Variants in SMOC2 observed in about 807,000 individuals in gnomAD.
SMOC2 encodes the protein SPARC related modular calcium binding 2.
SMOC2 carries 39 observed loss-of-function variants against 61.4 expected under a neutral mutation model. The observed-to-expected ratio is 0.64, with a 90% confidence interval of 0.49 to 0.83. The LOEUF (loss-of-function observed/expected upper bound fraction) is 0.83, where lower values mean the gene tolerates loss of function less well. Ranked by LOEUF, SMOC2 falls within the 40% of genes least tolerant of loss-of-function variation. The probability of loss-of-function intolerance (pLI) is 0.00; values close to 1 mark genes in which losing one functional copy is unlikely to be tolerated. For synonymous variants in SMOC2, 247 were observed against 239.9 expected (o/e 1.03, Z -0.27); for missense variants, 556 against 592.9 (o/e 0.94, Z 0.65).
At chr6:168,603,783 G>A (rs903213391) in intron 8 of SMOC2, among the ~76,000 whole-genome samples, 13 of 151,956 alleles carry the variant, frequency 8.6e-5, no homozygotes, top group Non-Finnish European at 1.3e-4. Context: ...TGGCAGGGGC[G>A]ACTCCCTGAA....
intron 1 of SMOC2, among the ~76,000 whole-genome samples, chr6:168,443,211 G>A (rs1480280744): frequency 4.6e-5 from 7 of 152,202 alleles, no homozygotes; most frequent in Admixed American, 2.6e-4. Context: ...GTGTGTGTGG[G>A]GGGTGGGGTT....
At chr6:168,457,909 G>A (rs1038156582) in intron 1 of SMOC2, among the ~76,000 whole-genome samples, 3 of 152,052 alleles carry the variant, frequency 2.0e-5, no homozygotes, top group Non-Finnish European at 4.4e-5. Context: ...GGCCCTTGCA[G>A]CCTGTGTGCC....
chr6:168,573,912 C>T (rs1208054905), intron 7 of SMOC2, among the ~76,000 whole-genome samples: 2 of 152,206 alleles, frequency 1.3e-5, no homozygotes, highest in Admixed American at 6.5e-5. Flanking sequence ...CACGTCCACC[C>T]CTGAACCAGT....
intron 9 of SMOC2, among the ~76,000 whole-genome samples, chr6:168,633,370 G>A (rs993962530): frequency 6.6e-6 from 1 of 152,240 alleles, no homozygotes; most frequent in East Asian, 1.9e-4. Context: ...TCCAAGATAT[G>A]CGGGAGGGGA....
intron 1 of SMOC2, among the ~76,000 whole-genome samples, chr6:168,442,808 C>A (rs1471425138): frequency 6.6e-6 from 1 of 152,208 alleles, no homozygotes; most frequent in Non-Finnish European, 1.5e-5. Context: ...TCTTCTGCAG[C>A]AGCCCGGGGT....
intron 9 of SMOC2, among the ~76,000 whole-genome samples, chr6:168,614,298 C>T (rs1396354514): frequency 6.1e-5 from 4 of 65,088 alleles, no homozygotes; most frequent in African/African-American, 1.3e-4. Context: ...AGGGCCTCTT[C>T]ACACCTACAG....
rs771480121 is a variant in SMOC2 at position 168,526,437 on chromosome 6, C to T, written c.348C>T (p.Asp116=). 17 of 1,614,048 alleles carry T rather than the reference C, an allele frequency of 1.1e-5. No individual in the cohort carries two copies. Among genetic ancestry groups the T allele is most frequent in the South Asian group, 5.5e-5 (5 of 91,086 alleles). ...TGTTCATTCCTGAGTGCAATGACGA[C>T]GGCACCTACAGTCAGGTTACCGGCC... The part of the protein sequence containing the change: ...QQVFIPECND[D]GTYSQVQCHS... The change falls in exon 3 of 13, where the codon GAC becomes GAT. Residue 116 remains aspartate, a synonymous_variant. Transcript: ENST00000356284.
At chr6:168,639,774 G>A (rs1260328784) in intron 9 of SMOC2, among the ~76,000 whole-genome samples, 2 of 152,178 alleles carry the variant, frequency 1.3e-5, no homozygotes, top group Non-Finnish European at 2.9e-5. Context: ...TCTCAGACTC[G>A]CTGCTACTTG....
At chr6:168,464,425 C>G (rs1781784036) in intron 1 of SMOC2, among the ~76,000 whole-genome samples, 1 of 152,180 alleles carries the variant, frequency 6.6e-6, no homozygotes, top group South Asian at 2.1e-4. Context: ...GCCAGGAGGG[C>G]AGCCTGTCCG....
At chr6:168,513,334 C>A (rs1783052272) in intron 2 of SMOC2, among the ~76,000 whole-genome samples, 1 of 62,530 alleles carries the variant, frequency 1.6e-5, no homozygotes, top group African/African-American at 4.1e-5. Flanking sequence ...AGTATTTTGT[C>A]CTTATAGGTT....
intron 7 of SMOC2, among the ~76,000 whole-genome samples, chr6:168,565,891 C>G (rs971325200): frequency 1.3e-5 from 2 of 152,190 alleles, no homozygotes; most frequent in Admixed American, 1.3e-4. Flanking sequence ...CTCACCTGAC[C>G]TCGATACAAG....
At chr6:168,663,313 C>T (rs1175937763) in intron 11 of SMOC2, among the ~76,000 whole-genome samples, 1 of 152,068 alleles carries the variant, frequency 6.6e-6, no homozygotes, top group African/African-American at 2.4e-5. Flanking sequence ...CAGCACAGCT[C>T]CCTCGGGCTT....
chr6:168,488,209 C>T (rs1288754966), intron 1 of SMOC2, among the ~76,000 whole-genome samples: 1 of 152,256 alleles, frequency 6.6e-6, no homozygotes, highest in African/African-American at 2.4e-5. Context: ...CCTCTGGCCC[C>T]TGGTGCCTCC....
At chr6:168,462,648 G>A (rs78790977) in intron 1 of SMOC2, among the ~76,000 whole-genome samples, 5,481 of 152,284 alleles carry the variant, frequency 0.036, 158 homozygotes, top group South Asian at 0.13. Flanking sequence ...TGACTGGAAT[G>A]TTCCTCAGCA....
intron 7 of SMOC2, among the ~76,000 whole-genome samples, chr6:168,585,604 C>A (rs1469928098): frequency 6.6e-6 from 1 of 152,290 alleles, no homozygotes; most frequent in East Asian, 1.9e-4. Flanking sequence ...GTAGCCCCAG[C>A]ATTTCACACT....
At chr6:168,623,329 A>AT (rs11284179) in intron 9 of SMOC2, among the ~76,000 whole-genome samples, 5,149 of 129,110 alleles carry the variant, frequency 0.04, 160 homozygotes, top group Middle Eastern at 0.05. Context: ...TGGATAATTA[A>AT]TTTTTTTTTT....
At chr6:168,575,781 C>T (rs1376773888) in intron 7 of SMOC2, among the ~76,000 whole-genome samples, 3 of 152,256 alleles carry the variant, frequency 2.0e-5, no homozygotes, top group Admixed American at 6.5e-5. Flanking sequence ...AGGACACCAG[C>T]CAATTCCAGT....
chr6:168,613,688 C>CCTCTTCACACCTACAGCCAGCACAGGGG (rs1785956174), intron 9 of SMOC2, among the ~76,000 whole-genome samples: 1 of 139,990 alleles, frequency 7.1e-6, no homozygotes, highest in African/African-American at 2.7e-5. Flanking sequence ...CAGCACAGGG[C>CCTCTTCACACCTACAGCCAGCACAGGGG]CTCTTCACAC....
chr6:168,471,539 A>G (rs1332047636), intron 1 of SMOC2, among the ~76,000 whole-genome samples: 1 of 152,224 alleles, frequency 6.6e-6, no homozygotes, highest in Non-Finnish European at 1.5e-5. Flanking sequence ...TCTCTTCAAC[A>G]CCTTGCTTTC....
Sources: gnomAD v4.1 joint callset for allele counts (sites outside exome capture counted in the v4.1 genomes callset) on GRCh38, gnomAD v4.1.1 for gene constraint, MANE v1.5 for transcripts, NCBI Gene and HGNC (gene_info 2026-07-23, HGNC 2026-07-21) for gene names.